Variants in NME7 observed in about 807,000 individuals in gnomAD.
NME7 encodes NME/NM23 family member 7.
NME7 carries 41 observed loss-of-function variants against 49.1 expected under a neutral mutation model. The ratio of observed to expected loss-of-function variants is 0.83; its 90% CI spans 0.65 to 1.08. NME7 has a LOEUF of 1.08. NME7 is among the 50% of genes least tolerant of loss of function. The pLI is 0.00. For synonymous variants in NME7, 139 were observed against 150.6 expected (o/e 0.92, Z 0.56); for missense variants, 423 against 463.4 (o/e 0.91, Z 0.80).
intron 1 of NME7, among the ~76,000 whole-genome samples, chr1:169,365,381 G>C (rs1391967455): frequency 6.6e-6 from 1 of 152,180 alleles, no homozygotes; most frequent in Non-Finnish European, 1.5e-5. Flanking sequence ...TCTGGGAAGT[G>C]GGCAAGAAGA....
intron 10 of NME7, among the ~76,000 whole-genome samples, chr1:169,186,060 G>T (rs1432497509): frequency 1.3e-5 from 2 of 151,376 alleles, no homozygotes; most frequent in African/African-American, 4.8e-5. Context: ...TATATAAGTA[G>T]AAATGCACCA....
At chr1:169,362,778 G>A (rs1653705941) in intron 1 of NME7, among the ~76,000 whole-genome samples, 1 of 152,140 alleles carries the variant, frequency 6.6e-6, no homozygotes, top group African/African-American at 2.4e-5. Flanking sequence ...CAAATATGGA[G>A]GAGAGTGATC....
chr1:169,169,685 TCTGTGGC>T, intron 10 of NME7, 131 bp from the exon 11 acceptor site: 1 of 713,830 alleles, frequency 1.4e-6, no homozygotes, highest in Admixed American at 2.7e-5. Context: ...TAAGGGTTTT[TCTGTGGC>T]CCAATGTAAA....
intron 10 of NME7, among the ~76,000 whole-genome samples, chr1:169,189,632 T>A (rs1266828856): frequency 2.0e-5 from 3 of 152,190 alleles, no homozygotes; most frequent in Admixed American, 1.3e-4. Flanking sequence ...TTTCTTTTCT[T>A]ATATTATTTC....
chr1:169,133,927 T>A (rs953795067), intron 11 of NME7, among the ~76,000 whole-genome samples: 2 of 152,220 alleles, frequency 1.3e-5, no homozygotes. Context: ...TTTTTAAGGC[T>A]GCTATAAGGT....
At chr1:169,155,748 T>G (rs1659048232) in intron 11 of NME7, among the ~76,000 whole-genome samples, 1 of 143,934 alleles carries the variant, frequency 6.9e-6, no homozygotes, top group Non-Finnish European at 1.5e-5. Context: ...TGAAGTGGGT[T>G]TTATTACTGT....
chr1:169,215,815 CATGGAGGACACT>C (rs1660958501), intron 10 of NME7, among the ~76,000 whole-genome samples: 3 of 152,074 alleles, frequency 2.0e-5, no homozygotes, highest in Non-Finnish European at 4.4e-5. Flanking sequence ...ACAATATGAA[CATGGAGGACACT>C]ATGCTAAGTG....
intron 10 of NME7, among the ~76,000 whole-genome samples, chr1:169,209,862 G>C (rs1660764989): frequency 1.3e-5 from 2 of 152,022 alleles, no homozygotes; most frequent in South Asian, 4.1e-4. Context: ...CAGATTTAGG[G>C]CCTCTACAGG....
intron 7 of NME7, among the ~76,000 whole-genome samples, chr1:169,254,068 C>T (rs1199351312): frequency 6.6e-6 from 1 of 150,908 alleles, no homozygotes; most frequent in Non-Finnish European, 1.5e-5. Context: ...CAGAATGATG[C>T]TGGCCTCATA....
intron 1 of NME7, among the ~76,000 whole-genome samples, chr1:169,337,415 G>T (rs945204252): frequency 2.0e-5 from 3 of 152,166 alleles, no homozygotes; most frequent in African/African-American, 7.2e-5. Context: ...ACTCCAGCTG[G>T]CCCGCAAGCG....
intron 11 of NME7, among the ~76,000 whole-genome samples, chr1:169,153,254 A>G (rs951795642): frequency 1.3e-5 from 2 of 152,168 alleles, no homozygotes; most frequent in African/African-American, 4.8e-5. Context: ...AGTACCTGGT[A>G]TATATTGCTT....
At chr1:169,355,162 GATATAA>G (rs1653381598) in intron 1 of NME7, among the ~76,000 whole-genome samples, 1 of 26,908 alleles carries the variant, frequency 3.7e-5, no homozygotes, top group African/African-American at 1.3e-4. Flanking sequence ...ATATATTATA[GATATAA>G]TATATAATAT....
intron 10 of NME7, among the ~76,000 whole-genome samples, chr1:169,182,233 C>T (rs950594628): frequency 6.6e-6 from 1 of 151,244 alleles, no homozygotes; most frequent in South Asian, 2.1e-4. Flanking sequence ...CCAGGCTAGT[C>T]TTGAAGTCCT....
intron 4 of NME7, among the ~76,000 whole-genome samples, chr1:169,304,079 A>G (rs1293576988): frequency 1.3e-5 from 2 of 149,934 alleles, no homozygotes; most frequent in South Asian, 2.1e-4. Flanking sequence ...GACATCACTA[A>G]AAAAGGGGAG....
At chr1:169,238,477 GCACACACACACACA>G (rs138287537) in intron 7 of NME7, among the ~76,000 whole-genome samples, 11 of 124,152 alleles carry the variant, frequency 8.9e-5, no homozygotes, top group African/African-American at 1.2e-4. Flanking sequence ...ATGCACAAAG[GCACACACACACACA>G]CACACACACA....
chr1:169,156,243 G>A (rs1424106946), intron 11 of NME7, among the ~76,000 whole-genome samples: 1 of 151,864 alleles, frequency 6.6e-6, no homozygotes, highest in Non-Finnish European at 1.5e-5. Context: ...CTGGGAGGTC[G>A]AGGTTGCAGT....
chr1:169,232,912 C>CTTTTTTTTTTTTTTTT (rs10545228), intron 9 of NME7, among the ~76,000 whole-genome samples: 8 of 74,534 alleles, frequency 1.1e-4, no homozygotes, highest in East Asian at 4.3e-4. Context: ...GTTTTCTTTT[C>CTTTTTTTTTTTTTTTT]TTTTTTTTTT....
chr1:169,324,806 A>G lies in NME7; in HGVS notation c.4-306T>C, dbSNP rs189449539. On this transcript the variant is annotated intron_variant, in intron 1 of 11. Transcript: ENST00000367811. Reference sequence around the variant, plus strand: ...GAGAACATGAGCTCCTGATTTTACTATTGTAACAATTCAGTCCTTCTGAAA... The same window carrying G: ...GAGAACATGAGCTCCTGATTTTACTGTTGTAACAATTCAGTCCTTCTGAAA... 5.3e-5 allele frequency among the ~76,000 whole-genome samples: 8 copies of G among 152,356 alleles called. No homozygotes were observed. The East Asian group carries it at 1.5e-3, about 29-fold the overall frequency.
At chr1:169,328,759 A>C (rs1391181753) in intron 1 of NME7, among the ~76,000 whole-genome samples, 1 of 152,212 alleles carries the variant, frequency 6.6e-6, no homozygotes, top group Non-Finnish European at 1.5e-5. Flanking sequence ...TTTTGTCAAT[A>C]AAAATTTTAG....
Sources: gnomAD v4.1 joint callset for allele counts (sites outside exome capture counted in the v4.1 genomes callset) on GRCh38, gnomAD v4.1.1 for gene constraint, MANE v1.5 for transcripts, NCBI Gene and HGNC (gene_info 2026-07-23, HGNC 2026-07-21) for gene names.